PARD3B: variants seen among roughly 807,000 people sequenced by gnomAD.
PARD3B encodes the protein par-3 family cell polarity regulator beta.
Under a neutral mutation model 130.2 loss-of-function variants are expected in PARD3B, and 103 were observed. The observed-to-expected ratio is 0.79, with a 90% CI of 0.67 to 0.93. The LOEUF (loss-of-function observed/expected upper bound fraction) is 0.93, where lower values mean the gene tolerates loss of function less well. Among genes scored for constraint, PARD3B ranks in the 40% least tolerant of loss-of-function variants. PARD3B has a pLI of 0.00. For missense variants in PARD3B, 1,609 were observed against 1,499.2 expected (o/e 1.07, Z -1.21); for synonymous variants, 583 against 553.2 (o/e 1.05, Z -0.76).
At chr2:204,971,363 CTGA>C (rs2125176884) in intron 3 of PARD3B, among the ~76,000 whole-genome samples, 1 of 152,278 alleles carries the variant, frequency 6.6e-6, no homozygotes, top group African/African-American at 2.4e-5. Context: ...GGTTATGCTT[CTGA>C]TGAAGCCTTT....
At chr2:204,736,429 C>T (rs2039756217) in intron 2 of PARD3B, among the ~76,000 whole-genome samples, 1 of 152,040 alleles carries the variant, frequency 6.6e-6, no homozygotes, top group South Asian at 2.1e-4. Flanking sequence ...CCCCCCCTTT[C>T]ATCCTCCTCC....
Position 205,437,600 on chromosome 2 carries a change from T to C in PARD3B, c.2742-2770T>C, listed in dbSNP as rs543776974. On this transcript the variant is annotated intron_variant, in intron 19 of 22. Coordinates refer to ENST00000406610, the MANE Select transcript of PARD3B (RefSeq NM_001302769.2). ...ATGAATTATTTCAAATTTAATTTTA[T>C]AGGGCCACACTCAGCTAATGGCCAT... Among the ~76,000 whole-genome samples the C allele has an allele frequency of 1.4e-4, 21 of 152,260 alleles. 1 individual carries two copies. In the South Asian group the frequency reaches 3.7e-3, roughly 27 times the overall value.
At chr2:205,399,662 C>G (rs529958118) in intron 18 of PARD3B, among the ~76,000 whole-genome samples, 1 of 152,168 alleles carries the variant, frequency 6.6e-6, no homozygotes, top group African/African-American at 2.4e-5. Context: ...GCTGCATCTT[C>G]TTTTTTTATT....
chr2:204,858,003 G>A (rs930523711), intron 2 of PARD3B, among the ~76,000 whole-genome samples: 2 of 151,960 alleles, frequency 1.3e-5, no homozygotes, highest in Admixed American at 6.6e-5. Flanking sequence ...TCTTTCAAAC[G>A]GTACTTCAAT....
chr2:205,526,270 T>C (rs1418930128), intron 21 of PARD3B, among the ~76,000 whole-genome samples: 1 of 152,194 alleles, frequency 6.6e-6, no homozygotes, highest in Non-Finnish European at 1.5e-5. Flanking sequence ...TGTGCACTTC[T>C]ACCCACTGTA....
At chr2:205,279,305 ATC>A (rs1166132130) in intron 16 of PARD3B, among the ~76,000 whole-genome samples, 1 of 151,982 alleles carries the variant, frequency 6.6e-6, no homozygotes, top group Non-Finnish European at 1.5e-5. Flanking sequence ...TATAGCCTCT[ATC>A]ACCTACACAT....
At chr2:205,493,713 CATTTATGTATGTATTTATTT>C (rs1386351895) in intron 20 of PARD3B, among the ~76,000 whole-genome samples, 1,845 of 146,860 alleles carry the variant, frequency 0.013, 43 homozygotes, top group East Asian at 0.028. Context: ...CATTTCTTTT[CATTTATGTATGTATTTATTT>C]ATTTATTTAT....
chr2:205,150,621 TG>T (rs2033688994), intron 10 of PARD3B, among the ~76,000 whole-genome samples: 1 of 152,180 alleles, frequency 6.6e-6, no homozygotes, highest in Non-Finnish European at 1.5e-5. Context: ...GCACTAATTA[TG>T]GCTTAAGCCT....
chr2:205,532,707 C>A (rs894985476), intron 21 of PARD3B, among the ~76,000 whole-genome samples: 5 of 152,158 alleles, frequency 3.3e-5, no homozygotes, highest in African/African-American at 1.2e-4. Context: ...TGCCAACACA[C>A]TGGAAATTTC....
chr2:204,932,204 T>C (rs1038902796), intron 2 of PARD3B, among the ~76,000 whole-genome samples: 3 of 152,172 alleles, frequency 2.0e-5, no homozygotes, highest in African/African-American at 7.2e-5. Flanking sequence ...AGTTTTTATG[T>C]GCCTTTAAAA....
At chr2:204,715,174 G>A (rs74420333) in intron 2 of PARD3B, among the ~76,000 whole-genome samples, 1,843 of 152,246 alleles carry the variant, frequency 0.012, 25 homozygotes, top group African/African-American at 0.041. Context: ...AGGTGAAGAA[G>A]TATTTCTAAG....
intron 3 of PARD3B, among the ~76,000 whole-genome samples, chr2:205,008,714 G>A (rs13420486): frequency 0.018 from 2,685 of 152,260 alleles, 39 homozygotes; most frequent in African/African-American, 0.041. Flanking sequence ...ATCAATTAAA[G>A]ACTTGACAGG....
intron 13 of PARD3B, among the ~76,000 whole-genome samples, chr2:205,179,138 TA>T (rs1286570443): frequency 6.6e-5 from 10 of 151,950 alleles, no homozygotes; most frequent in African/African-American, 2.4e-4. Flanking sequence ...TTTAAAAGGT[TA>T]AAAGAAAAAG....
chr2:204,642,906 G>T (rs1014073927), intron 1 of PARD3B, among the ~76,000 whole-genome samples: 2 of 151,322 alleles, frequency 1.3e-5, no homozygotes, highest in East Asian at 3.9e-4. Flanking sequence ...AAGGTCAGGA[G>T]ACCAAGACCA....
In PARD3B at chr2:205,589,476, C is replaced by A. The variant is rs2054308652; in HGVS notation, c.3261-25980C>A. 6.6e-6 allele frequency among the ~76,000 whole-genome samples: 1 copy of A among 152,132 alleles called. No individual in the cohort carries two copies. Among genetic ancestry groups the A allele is most frequent in the Non-Finnish European group, 1.5e-5 (1 of 68,032 alleles). On this transcript the variant is annotated intron_variant, in intron 22 of 22. Transcript: ENST00000406610. This position sits in a 1 kb window ranked among gnomAD's most constrained non-coding sequence, Gnocchi z 4.1. The stretch of plus-strand genomic sequence containing the variant: ...CTGTCTCTAAACAGAGAGATGCAGA[C>A]AGAGATGAGGAACTAATCAAGGTGC...
At chr2:205,216,016 T>C (rs2037887903) in intron 15 of PARD3B, among the ~76,000 whole-genome samples, 1 of 152,158 alleles carries the variant, frequency 6.6e-6, no homozygotes. Flanking sequence ...TATGTGTGTG[T>C]GTATGTATAT....
intron 22 of PARD3B, among the ~76,000 whole-genome samples, chr2:205,588,717 A>G (rs1439707842): frequency 6.6e-6 from 1 of 152,222 alleles, no homozygotes; most frequent in South Asian, 2.1e-4. Flanking sequence ...TTGTATATAC[A>G]TTATACTTCA....
intron 10 of PARD3B, among the ~76,000 whole-genome samples, chr2:205,152,658 A>T (rs1264160435): frequency 6.6e-6 from 1 of 152,114 alleles, no homozygotes; most frequent in African/African-American, 2.4e-5. Context: ...CATTCGTCTA[A>T]TCTTTTTTCA....
At chr2:205,250,269 T>A (rs1023331109) in intron 16 of PARD3B, among the ~76,000 whole-genome samples, 1 of 152,126 alleles carries the variant, frequency 6.6e-6, no homozygotes, top group Non-Finnish European at 1.5e-5. Flanking sequence ...GGAACTGTTT[T>A]AATATGTATT....
Sources: allele counts gnomAD v4.1 joint callset (sites outside exome capture counted in the v4.1 genomes callset), GRCh38; gene constraint gnomAD v4.1.1; non-coding constraint Gnocchi (gnomAD v3.1); transcripts MANE v1.5; gene names NCBI Gene and HGNC (gene_info 2026-07-23, HGNC 2026-07-21).